RELCH: variants seen among roughly 807,000 people sequenced by gnomAD.
RELCH encodes the protein RAB11 binding and LisH domain, coiled-coil and HEAT repeat containing.
In RELCH, 41 loss-of-function variants were observed where a neutral mutation model predicts 150.3. That is an observed-to-expected ratio of 0.27 (90% CI 0.21 to 0.35). RELCH has a LOEUF of 0.35. RELCH is among the 10% of genes least tolerant of loss of function. RELCH has a pLI of 1.00. For missense variants in RELCH, 1,092 were observed against 1,467.8 expected (o/e 0.74, Z 4.18); for synonymous variants, 478 against 531.8 (o/e 0.90, Z 1.39).
rs371250904 is a variant in RELCH, at chr18:62,282,365, C to T, written c.3174C>T (p.Asp1058=). The stretch of plus-strand genomic sequence containing the variant: ...TCCTGGAAGATCCTCAGTATCAAGA[C>T]CAACATTCTTTGCATACAGAGATCA... The part of the protein sequence containing the change: ...ASFLEDPQYQ[D]QHSLHTEIIK... The change falls in exon 25 of 29, where the codon GAC becomes GAT. Residue 1058 remains aspartate, a synonymous_variant. Transcript: ENST00000644646. 5.0e-6 allele frequency: 8 copies of T among 1,612,480 alleles called. No homozygotes were observed. The African/African-American group carries it at 1.1e-4, about 22-fold the overall frequency.
chr18:62,188,832 T>C (rs1046593078), intron 1 of RELCH, among the ~76,000 whole-genome samples: 2 of 152,210 alleles, frequency 1.3e-5, no homozygotes, highest in African/African-American at 4.8e-5. Context: ...AAAGATGTAG[T>C]GTACTGTATG....
At chr18:62,257,138 A>G (rs2043028884) in intron 13 of RELCH, among the ~76,000 whole-genome samples, 1 of 152,040 alleles carries the variant, frequency 6.6e-6, no homozygotes, top group African/African-American at 2.4e-5. Context: ...AAACAAGTTT[A>G]TGTTTTAAGA....
At chr18:62,227,242 G>A in intron 5 of RELCH, 47 bp from the exon 6 acceptor site, 1 of 1,263,942 alleles carries the variant, frequency 7.9e-7, no homozygotes, top group South Asian at 1.4e-5. Context: ...AAAAATGTAA[G>A]ATAAAATTTC....
intron 26 of RELCH, among the ~76,000 whole-genome samples, chr18:62,290,782 C>T (rs958758360): frequency 9.8e-5 from 15 of 152,298 alleles, no homozygotes; most frequent in African/African-American, 3.6e-4. Context: ...ACAGTAAAAG[C>T]TCTGTTATCC....
Position 62,221,018 on chromosome 18 carries a change from A to C in RELCH, c.617-19A>C. On this transcript the variant is annotated intron_variant, in intron 2 of 28. Transcript: ENST00000644646. ...CTTGGTTGGATGCCTGTGTGTGTTT[A>C]TTCCAAATCCCTGTCCAGTCCTGGA... 1.2e-6 allele frequency: 2 copies of C among 1,602,808 alleles called. No individual in the cohort carries two copies. The highest frequency in any genetic ancestry group is 1.7e-6 in the Non-Finnish European group (2 of 1,174,208).
At chr18:62,272,156 A>G (rs1265045379) in intron 20 of RELCH, among the ~76,000 whole-genome samples, 2 of 152,148 alleles carry the variant, frequency 1.3e-5, no homozygotes, top group African/African-American at 4.8e-5. Context: ...TTTGTAAAAG[A>G]TTTTAAGTCA....
At chr18:62,195,856 C>G (rs1194690687) in intron 1 of RELCH, among the ~76,000 whole-genome samples, 1 of 151,994 alleles carries the variant, frequency 6.6e-6, no homozygotes, top group Non-Finnish European at 1.5e-5. Context: ...CCACCACACC[C>G]AGCCAATTTT....
intron 25 of RELCH, among the ~76,000 whole-genome samples, chr18:62,283,403 AT>A (rs1195573740): frequency 6.6e-6 from 1 of 152,154 alleles, no homozygotes; most frequent in Non-Finnish European, 1.5e-5. Context: ...TAGCTCTTTT[AT>A]TTTTAGCAAT....
intron 10 of RELCH, among the ~76,000 whole-genome samples, chr18:62,240,817 G>T (rs1374180456): frequency 6.6e-6 from 1 of 151,944 alleles, no homozygotes; most frequent in East Asian, 1.9e-4. Flanking sequence ...TTAAAATATG[G>T]CTATATTAGC....
intron 2 of RELCH, among the ~76,000 whole-genome samples, chr18:62,213,159 A>G (rs1177797746): frequency 6.6e-6 from 1 of 152,080 alleles, no homozygotes; most frequent in Non-Finnish European, 1.5e-5. Flanking sequence ...TGTTATATAT[A>G]TTAGCTATTT....
chr18:62,295,620 C>G (rs959129815), intron 27 of RELCH, among the ~76,000 whole-genome samples: 7 of 151,858 alleles, frequency 4.6e-5, no homozygotes, highest in Admixed American at 3.9e-4. Flanking sequence ...TCACTGTCAC[C>G]CATGCTGGAG....
At chr18:62,211,319 C>A in intron 2 of RELCH, 77 bp downstream of exon 2, 1 of 895,322 alleles carries the variant, frequency 1.1e-6, no homozygotes, top group Non-Finnish European at 1.8e-6. Context: ...AATTTTTTTC[C>A]TTCTACAGTT....
At chr18:62,280,463 C>G (rs1397581251) in intron 23 of RELCH, 183 bp from the exon 24 acceptor site, 3 of 1,599,738 alleles carry the variant, frequency 1.9e-6, no homozygotes, top group Non-Finnish European at 2.6e-6. Context: ...CAGACTGCGA[C>G]CTTAAGTTAT....
chr18:62,284,473 G>A (rs1116290), intron 25 of RELCH: 24,767 of 152,036 alleles, frequency 0.16, 2,706 homozygotes, highest in Middle Eastern at 0.28. Context: ...TCACATTTTG[G>A]TACAACCAGA....
At chr18:62,225,590 C>T (rs1049571907) in intron 5 of RELCH, among the ~76,000 whole-genome samples, 2 of 151,932 alleles carry the variant, frequency 1.3e-5, no homozygotes, top group African/African-American at 4.8e-5. Context: ...AAAAGATTCT[C>T]AACATTTGTA....
At chr18:62,189,161 C>T (rs892227838) in intron 1 of RELCH, among the ~76,000 whole-genome samples, 1 of 150,924 alleles carries the variant, frequency 6.6e-6, no homozygotes, top group Non-Finnish European at 1.5e-5. Context: ...GGATAATCTT[C>T]TTTTTCGGGA....
chr18:62,217,354 A>G (rs1278899139), intron 2 of RELCH, among the ~76,000 whole-genome samples: 1 of 152,030 alleles, frequency 6.6e-6, no homozygotes, highest in African/African-American at 2.4e-5. Flanking sequence ...ATATTAAGTC[A>G]TAAAGGTCTG....
At chr18:62,304,189 G>A (rs2045786896) in intron 28 of RELCH, among the ~76,000 whole-genome samples, 2 of 152,216 alleles carry the variant, frequency 1.3e-5, no homozygotes, top group Admixed American at 1.3e-4. Flanking sequence ...CTGACCCTCA[G>A]GAAAAGGGAT....
rs1364439353 is a variant in RELCH, at chr18:62,255,471, A to T, written c.1889A>T (p.Tyr630Phe). Reference protein sequence around the residue: ...VAESCGALAPYLPKEIRSSLV... With the variant: ...VAESCGALAPFLPKEIRSSLV... ...GAATCCTGTGGAGCACTGGCACCTT[A>T]CCTTCCTGTAAGATTGTCTTTTTTT... is the stretch of plus-strand genomic sequence containing the variant. Residue 630 changes from tyrosine (Y) to phenylalanine (F), a missense_variant, in exon 13 of 29, where the codon TAC becomes TTC. This residue lies in a region of RELCH where 707 missense variants were observed against 1,025.4 expected (regional missense o/e 0.69). Coordinates refer to ENST00000644646, the MANE Select transcript of RELCH (RefSeq NM_001346231.2). 1 of 1,589,202 alleles carries T rather than the reference A, an allele frequency of 6.3e-7. No individual in the cohort carries two copies. Among genetic ancestry groups the T allele is most frequent in the Non-Finnish European group, 8.5e-7 (1 of 1,171,656 alleles).
Sources: allele counts gnomAD v4.1 joint callset (sites outside exome capture counted in the v4.1 genomes callset), GRCh38; gene constraint gnomAD v4.1.1; regional missense constraint gnomAD v4.1.1; transcripts MANE v1.5; gene names NCBI Gene and HGNC (gene_info 2026-07-23, HGNC 2026-07-21).